Variants in PARD6B observed in about 807,000 individuals in gnomAD.
The protein encoded by PARD6B is partitioning defective 6 homolog beta.
PARD6B carries 4 observed loss-of-function variants against 10.5 expected under a neutral mutation model. The observed-to-expected ratio is 0.38, with a 90% CI of 0.19 to 0.87. The LOEUF (loss-of-function observed/expected upper bound fraction) is 0.87. Ranked by LOEUF, PARD6B falls within the 40% of genes least tolerant of loss-of-function variation. The pLI, the probability that PARD6B is intolerant of heterozygous loss-of-function variation, is 0.41. For missense variants in PARD6B, 396 were observed against 470.6 expected (o/e 0.84, Z 1.47); for synonymous variants, 169 against 170.4 (o/e 0.99, Z 0.07).
chr20:50,743,165 T>C (rs1484643056), intron 2 of PARD6B, among the ~76,000 whole-genome samples: 2 of 152,170 alleles, frequency 1.3e-5, no homozygotes, highest in Non-Finnish European at 2.9e-5. Flanking sequence ...GCCAGGGAAA[T>C]GTGTATTTTT....
chr20:50,742,912 C>T (rs1398857349), intron 2 of PARD6B, among the ~76,000 whole-genome samples: 2 of 152,096 alleles, frequency 1.3e-5, no homozygotes, highest in African/African-American at 2.4e-5. Context: ...GGAGCAAAAA[C>T]AAAGCACAAG....
At position 50,753,474 on chromosome 20, in the gene PARD6B, A is replaced by G. The variant is rs927415466; in HGVS notation, c.*2986A>G. On this transcript the variant is annotated 3_prime_UTR_variant, in exon 3 of 3. Coordinates refer to ENST00000371610, the MANE Select transcript of PARD6B (RefSeq NM_032521.3). ...AGCCTAACTGTGAATTTTGTTCTGT[A>G]TCTTAAGTAAATTTATGATAATGTT... 1 of 977,198 alleles carries G rather than the reference A, an allele frequency of 1.0e-6. No individual in the cohort carries two copies. The highest frequency in any genetic ancestry group is 1.8e-5 in the African/African-American group (1 of 57,050). The allele number at this position is 977,198 out of a possible 1,614,324, so 60.5% of individuals were successfully genotyped here.
intron 1 of PARD6B, among the ~76,000 whole-genome samples, chr20:50,737,328 T>G (rs572314153): frequency 6.6e-6 from 1 of 152,364 alleles, no homozygotes; most frequent in African/African-American, 2.4e-5. Context: ...CTTATTTTTT[T>G]CTGCATTAAC....
chr20:50,750,684 T>G lies in PARD6B; in HGVS notation c.*196T>G. ...TTGGTGGATCAGAGGTGAATTTAAG[T>G]CCAAAACAAAGGGGCCTTTGCTGAT... On this transcript the variant is annotated 3_prime_UTR_variant, in exon 3 of 3. Coordinates refer to ENST00000371610, the MANE Select transcript of PARD6B (RefSeq NM_032521.3). 7.3e-7 allele frequency: 1 copy of G among 1,361,208 alleles called. No individual in the cohort carries two copies. Among genetic ancestry groups the G allele is most frequent in the Non-Finnish European group, 9.4e-7 (1 of 1,060,978 alleles). 84.3% of individuals were successfully genotyped at this position (1,361,208 alleles called of 1,614,324 possible).
intron 1 of PARD6B, among the ~76,000 whole-genome samples, chr20:50,732,335 T>C (rs528405194): frequency 1.3e-5 from 2 of 152,134 alleles, no homozygotes; most frequent in Non-Finnish European, 2.9e-5. Flanking sequence ...CTTTGCTTCC[T>C]GCTGGCGCTC....
chr20:50,736,310 A>G (rs1314093730), intron 1 of PARD6B, among the ~76,000 whole-genome samples: 1 of 152,214 alleles, frequency 6.6e-6, no homozygotes, highest in Non-Finnish European at 1.5e-5. Context: ...GGCTTTCTCT[A>G]CATGATGCTT....
chr20:50,748,170 G>A (rs930804185), intron 2 of PARD6B, among the ~76,000 whole-genome samples: 7 of 152,136 alleles, frequency 4.6e-5, no homozygotes, highest in African/African-American at 1.7e-4. Flanking sequence ...TAGTGAAACC[G>A]CATCTCTACT....
intron 2 of PARD6B, 131 bp downstream of exon 2, chr20:50,738,210 CAT>C (rs1036319213): frequency 2.3e-4 from 129 of 566,584 alleles, no homozygotes; most frequent in African/African-American, 2.0e-3. Flanking sequence ...TGTTAACTAA[CAT>C]GTGGGTTAAA....
At chr20:50,731,952 G>A (rs2087473536) in intron 1 of PARD6B, 100 bp downstream of exon 1, 3 of 1,063,600 alleles carry the variant, frequency 2.8e-6, no homozygotes, top group African/African-American at 3.3e-5. Flanking sequence ...GACGGGCTGA[G>A]CTGCCCCGGG....
Position 50,731,634 on chromosome 20 carries a change from G to A in PARD6B, c.-153G>A, listed in dbSNP as rs2087470996. 1 of 524,270 alleles carries A rather than the reference G, an allele frequency of 1.9e-6. No individual in the cohort carries two copies. The highest frequency in any genetic ancestry group is 3.2e-6 in the Non-Finnish European group (1 of 316,058). 32.5% of individuals were successfully genotyped at this position (524,270 alleles called of 1,614,324 possible). ...AGCTGGTGGAGTGGAGCTCAGCGCG[G>A]ACGCCGGAGCTGCGGCCGCCCCCTC... On this transcript the variant is annotated 5_prime_UTR_variant, in exon 1 of 3. Transcript: ENST00000371610.
Position 50,731,816 on chromosome 20 carries a change from C to T in PARD6B, c.30C>T (p.Gly10=), listed in dbSNP as rs1169497852. Residue 10 remains glycine, a synonymous_variant, in exon 1 of 3, where the codon GGC becomes GGT. Coordinates refer to ENST00000371610, the MANE Select transcript of PARD6B (RefSeq NM_032521.3). ...ACCGCAGCCACCGGCACGGGGCGGG[C>T]AGCGGCTGCCTGGGCACTATGGAGG... MNRSHRHGA[G]SGCLGTMEVK... 98 of 1,463,568 alleles carry T rather than the reference C, an allele frequency of 6.7e-5. No homozygotes were observed. The highest frequency in any genetic ancestry group is 8.8e-5 in the Non-Finnish European group (98 of 1,113,344). 90.7% of individuals were successfully genotyped at this position (1,463,568 alleles called of 1,614,324 possible).
intron 2 of PARD6B, among the ~76,000 whole-genome samples, chr20:50,743,118 A>G (rs748420907): frequency 1.3e-5 from 2 of 152,194 alleles, no homozygotes; most frequent in Non-Finnish European, 2.9e-5. Context: ...TGCGCCTTTT[A>G]AAAATACTCA....
chr20:50,734,269 C>T (rs1038246967), intron 1 of PARD6B, among the ~76,000 whole-genome samples: 3 of 152,064 alleles, frequency 2.0e-5, no homozygotes, highest in Non-Finnish European at 4.4e-5. Flanking sequence ...ACAGTATTTT[C>T]TTTGACATTG....
chr20:50,742,605 A>G (rs1339538432), intron 2 of PARD6B, among the ~76,000 whole-genome samples: 4 of 151,916 alleles, frequency 2.6e-5, no homozygotes, highest in Admixed American at 1.3e-4. Flanking sequence ...ACCTCAGGTG[A>G]TCCACCCTCC....
chr20:50,750,563 A>AC lies in PARD6B; in HGVS notation c.*77dup. 2 of 1,503,072 alleles carry AC rather than the reference A, an allele frequency of 1.3e-6. No individual in the cohort carries two copies. The highest frequency in any genetic ancestry group is 4.5e-5 in the Admixed American group (2 of 44,294). 93.1% of individuals were successfully genotyped at this position (1,503,072 alleles called of 1,614,324 possible). A position where few individuals can be genotyped will look rare whatever the true frequency, so the allele number is the denominator to read the frequency against. On this transcript the variant is annotated 3_prime_UTR_variant, in exon 3 of 3. Transcript: ENST00000371610. ...ATTTGGCTAGTTTAAAAGCATATATACCTCTGACCAGTGACGTGGAATAGG... is the reference window on the plus strand; with the variant it reads ...ATTTGGCTAGTTTAAAAGCATATATACCCTCTGACCAGTGACGTGGAATAGG...
intron 1 of PARD6B, among the ~76,000 whole-genome samples, chr20:50,734,427 G>T (rs951053246): frequency 5.3e-5 from 8 of 151,938 alleles, no homozygotes; most frequent in African/African-American, 1.9e-4. Flanking sequence ...GCTCACTGCA[G>T]CCTCAACCTC....
chr20:50,732,858 G>A (rs758359708), intron 1 of PARD6B, among the ~76,000 whole-genome samples: 3 of 151,236 alleles, frequency 2.0e-5, no homozygotes. Flanking sequence ...AAATAGAATT[G>A]AGAAGGCCAA....
chr20:50,753,406 G>A lies in PARD6B; in HGVS notation c.*2918G>A, dbSNP rs1458260411. ...TTTCAAGTGCACCTTATTAACAAAA[G>A]TATCAGTGGATCCAACATAAAATTT... On this transcript the variant is annotated 3_prime_UTR_variant, in exon 3 of 3. Transcript: ENST00000371610. The A allele has an allele frequency of 1.0e-6, 1 of 983,922 alleles. No homozygotes were observed. The highest frequency in any genetic ancestry group is 1.7e-5 in the African/African-American group (1 of 57,164). The allele number at this position is 983,922 out of a possible 1,614,324, so 60.9% of individuals were successfully genotyped here.
Position 50,750,558 on chromosome 20 carries a change from T to C in PARD6B, c.*70T>C, listed in dbSNP as rs1469627445. On this transcript the variant is annotated 3_prime_UTR_variant, in exon 3 of 3. Transcript: ENST00000371610. ...TGTACATTTGGCTAGTTTAAAAGCATATATACCTCTGACCAGTGACGTGGA... is the reference window on the plus strand; with the variant it reads ...TGTACATTTGGCTAGTTTAAAAGCACATATACCTCTGACCAGTGACGTGGA... 2.0e-6 allele frequency: 3 copies of C among 1,521,594 alleles called. No individual in the cohort carries two copies. The African/African-American group carries it at 4.2e-5, about 21-fold the overall frequency. 94.3% of individuals were successfully genotyped at this position (1,521,594 alleles called of 1,614,324 possible). A position where few individuals can be genotyped will look rare whatever the true frequency, so the allele number is the denominator to read the frequency against.
Sources: allele counts gnomAD v4.1 joint callset (sites outside exome capture counted in the v4.1 genomes callset), GRCh38; gene constraint gnomAD v4.1.1; transcripts MANE v1.5; gene names NCBI Gene and HGNC (gene_info 2026-07-23, HGNC 2026-07-21).